Variants in SSH1 observed in about 807,000 individuals in gnomAD.
SSH1 encodes the protein slingshot protein phosphatase 1, also known as protein phosphatase Slingshot homolog 1.
In SSH1, 43 loss-of-function variants were observed where a neutral mutation model predicts 79.7. That is an observed-to-expected ratio of 0.54 (90% CI 0.42 to 0.70). The LOEUF (loss-of-function observed/expected upper bound fraction) is 0.70, where lower values mean the gene tolerates loss of function less well. SSH1 is among the 30% of genes least tolerant of loss of function. The pLI is 0.00. For missense variants in SSH1, 1,206 were observed against 1,358.8 expected (o/e 0.89, Z 1.77); for synonymous variants, 599 against 538.3 (o/e 1.11, Z -1.56).
rs763489561 is a variant in SSH1, at chr12:108,792,814, G to A, written c.1365C>T (p.Asn455=). The change falls in exon 14 of 15, where the codon AAC becomes AAT. Residue 455 remains asparagine (N), a synonymous_variant. Coordinates refer to ENST00000326495, the MANE Select transcript of SSH1 (RefSeq NM_018984.4). ...GILDASKQRH[N]KLWRQQTDSS... ...TGTCTGTCTGCTGACGCCACAGCTT[G>A]TTGTGCCGCTGTTTGCTGCGGGGAG... 4.3e-6 allele frequency: 7 copies of A among 1,613,702 alleles called. No homozygotes were observed. The South Asian group carries it at 7.7e-5, about 18-fold the overall frequency.
At chr12:108,798,853 C>T (rs1565977180) in intron 13 of SSH1, 147 bp downstream of exon 13, 1 of 838,922 alleles carries the variant, frequency 1.2e-6, no homozygotes, top group East Asian at 2.6e-5. Flanking sequence ...CTCAAACTGG[C>T]TCCCCCTGAG....
At chr12:108,834,138 T>C (rs2375016) in intron 2 of SSH1, 52,648 of 152,160 alleles carry the variant, frequency 0.35, 9,230 homozygotes, top group South Asian at 0.45. Flanking sequence ...GAAAACAGTA[T>C]TTCAGAATAA....
intron 3 of SSH1, among the ~76,000 whole-genome samples, chr12:108,820,534 T>TA (rs2038078144): frequency 6.6e-6 from 1 of 152,208 alleles, no homozygotes; most frequent in African/African-American, 2.4e-5. Context: ...TCCACACAGA[T>TA]AAACTTCTTT....
rs765862959 is a variant in SSH1 at position 108,788,372 on chromosome 12, G to A, written c.2766C>T (p.Thr922=). 2 of 1,612,722 alleles carry A rather than the reference G, an allele frequency of 1.2e-6. No homozygotes were observed. Among genetic ancestry groups the A allele is most frequent in the African/African-American group, 1.3e-5 (1 of 74,904 alleles). The change falls in exon 15 of 15, where the codon ACC becomes ACT. Residue 922 remains threonine, a synonymous_variant. Transcript: ENST00000326495. The part of the protein sequence containing the change: ...SKDFLKTICY[T]PTSSSMSSNL... ...TGGAGCTCATGGAAGAGGAGGTGGG[G>A]GTGTAGCAGATGGTCTTCAGAAAGT...
At chr12:108,811,097 C>T (rs1183910108) in intron 6 of SSH1, among the ~76,000 whole-genome samples, 163 bp downstream of exon 6, 1 of 152,212 alleles carries the variant, frequency 6.6e-6, no homozygotes, top group Non-Finnish European at 1.5e-5. Flanking sequence ...AACATACCCT[C>T]CCTCGTGCCC....
rs764404677 is a variant in SSH1, at chr12:108,789,251, G to T, written c.1894-7C>A. On this transcript the variant is annotated splice_region_variant and splice_polypyrimidine_tract_variant and intron_variant, in intron 14 of 14. Coordinates refer to ENST00000326495, the MANE Select transcript of SSH1 (RefSeq NM_018984.4). ...TCCCAAATATAGCATCATCCTGCAA[G>T]GAAGGGGACAAGAGCATGGTGAGAC... 1.9e-6 allele frequency: 3 copies of T among 1,587,882 alleles called. No homozygotes were observed. The highest frequency in any genetic ancestry group is 2.3e-5 in the South Asian group (2 of 87,556).
chr12:108,787,985 G>A lies in SSH1; in HGVS notation c.*3C>T, dbSNP rs573450067. 61 of 1,614,010 alleles carry A rather than the reference G, an allele frequency of 3.8e-5. No individual in the cohort carries two copies. The highest frequency in any genetic ancestry group is 1.6e-4 in the Middle Eastern group (1 of 6,084). On this transcript the variant is annotated 3_prime_UTR_variant, in exon 15 of 15. Coordinates refer to ENST00000326495, the MANE Select transcript of SSH1 (RefSeq NM_018984.4). Reference sequence around the variant, plus strand: ...CGCCCAGCCTGACGCAGCAAAAGGCGGGTCAGCTTTTGCTCATCCACGAAG... The same window carrying A: ...CGCCCAGCCTGACGCAGCAAAAGGCAGGTCAGCTTTTGCTCATCCACGAAG...
rs768765484 is a variant in SSH1, at chr12:108,818,257, T to C, written c.271A>G (p.Ile91Val). The change falls in exon 4 of 15, where the codon ATC (isoleucine) becomes GTC (valine). Residue 91 changes from isoleucine to valine, a missense_variant. Ile to Val is a conservative substitution (Grantham distance 29, BLOSUM62 3). This residue lies in a region of SSH1 where 115 missense variants were observed against 173.9 expected (regional missense o/e 0.66). Transcript: ENST00000326495. ...MINLLRCEDR[I>V]KLAVRLESAW... ...TTCTCACTGCTTCTTACCAGCTTGA[T>C]TCTGTCTTCGCAACGCAGAAGGTTG... is the stretch of plus-strand genomic sequence containing the variant. 3.7e-6 allele frequency: 6 copies of C among 1,613,834 alleles called. No individual in the cohort carries two copies. In the East Asian group the frequency reaches 6.7e-5, roughly 18 times the overall value.
At chr12:108,791,898 T>G in intron 14 of SSH1, 3 of 1,260,514 alleles carry the variant, frequency 2.4e-6, no homozygotes, top group Non-Finnish European at 3.0e-6. Flanking sequence ...TGAAAAAGAA[T>G]AGTCATATAT....
At chr12:108,824,762 GT>G (rs1166451557) in intron 2 of SSH1, among the ~76,000 whole-genome samples, 1 of 152,124 alleles carries the variant, frequency 6.6e-6, no homozygotes, top group Non-Finnish European at 1.5e-5. Context: ...TACATCAAAA[GT>G]TTTTATTTTT....
Position 108,788,140 on chromosome 12 carries a change from TG to T in SSH1, c.2997del (p.Thr1000ProfsTer10), listed in dbSNP as rs2036342425. On this transcript the variant is annotated frameshift_variant, in exon 15 of 15. Coordinates refer to ENST00000326495, the MANE Select transcript of SSH1 (RefSeq NM_018984.4). LOFTEE classifies it low-confidence loss of function (END_TRUNC). ...TEDLSSEADP[S>X]TVADSQDTTL... ...GTGGTGTCCTGGGAGTCAGCGACGG[TG>T]GACGGGTCAGCCTCACTGGACAGGT... The T allele has an allele frequency of 6.2e-7, 1 of 1,613,852 alleles. No homozygotes were observed. Among genetic ancestry groups the T allele is most frequent in the Non-Finnish European group, 8.5e-7 (1 of 1,180,010 alleles).
rs117900986 is a variant in SSH1, at chr12:108,792,317, T to C, written c.1862A>G (p.Asn621Ser). 9.1e-4 allele frequency: 1,462 copies of C among 1,614,052 alleles called. 23 individuals carry two copies. The East Asian group carries it at 0.03, about 33-fold the overall frequency. Reference protein sequence around the residue: ...NLLNSENLNNNSKRSCPNGME... With the variant: ...NLLNSENLNNSSKRSCPNGME... ...GCCGTTGGGACAGCTCCTCTTGCTG[T>C]TGTTGTTTAGGTTCTCCGAGTTGAG... Residue 621 changes from asparagine (N) to serine (S), a missense_variant, in exon 14 of 15, where the codon AAC becomes AGC. Asn to Ser is a conservative substitution (Grantham distance 46). Transcript: ENST00000326495.
rs774585156 is a variant in SSH1, at chr12:108,806,301, C to T, written c.825G>A (p.Glu275=). The T allele has an allele frequency of 2.5e-6, 4 of 1,613,924 alleles. No individual in the cohort carries two copies. The highest frequency in any genetic ancestry group is 2.2e-5 in the South Asian group (2 of 91,088). The stretch of plus-strand genomic sequence containing the variant: ...GCAATGAAGGGAGGAGTTGTCTTAC[C>T]TCTTTGGAAGTCACATTTTCTAGAT... The part of the protein sequence containing the change: ...SQDLENVTSK[E]IRNELEKQMN... Residue 275 remains glutamate, a splice_region_variant and synonymous_variant, in exon 9 of 15, where the codon GAG becomes GAA. Transcript: ENST00000326495.
chr12:108,827,383 A>T, intron 2 of SSH1: 1 of 1,519,576 alleles, frequency 6.6e-7, no homozygotes, highest in South Asian at 1.3e-5. Context: ...GCTCCCTACA[A>T]CTGCCCTCCG....
chr12:108,820,264 C>G (rs1243725796), intron 3 of SSH1, among the ~76,000 whole-genome samples: 1 of 152,124 alleles, frequency 6.6e-6, no homozygotes, highest in Non-Finnish European at 1.5e-5. Flanking sequence ...TTATACAATT[C>G]CACAGTGTAT....
rs1413434278 is a variant in SSH1 at position 108,786,982 on chromosome 12, T to C, written c.*1006A>G. 1 of 152,204 alleles carries C rather than the reference T, an allele frequency of 6.6e-6. No individual in the cohort carries two copies. The highest frequency in any genetic ancestry group is 1.5e-5 in the Non-Finnish European group (1 of 68,060). 9.4% of individuals were successfully genotyped at this position (152,204 alleles called of 1,614,324 possible). A position where few individuals can be genotyped will look rare whatever the true frequency, so the allele number is the denominator to read the frequency against. On this transcript the variant is annotated 3_prime_UTR_variant, in exon 15 of 15. Transcript: ENST00000326495. ...ATCTCACTGCAGGAAGGGGCAACTG[T>C]AGACATCCGGGAAGCATCCCGACAG...
In SSH1 at chr12:108,811,214, T is replaced by G. The variant is rs749497731; in HGVS notation, c.470+46A>C. ...TGCCTGAACCAGCTCGTGTTTTCAA[T>G]GCCTACTACATACAGTGAGAGAATC... On this transcript the variant is annotated intron_variant, in intron 6 of 14. Coordinates refer to ENST00000326495, the MANE Select transcript of SSH1 (RefSeq NM_018984.4). 8 of 1,574,920 alleles carry G rather than the reference T, an allele frequency of 5.1e-6. No individual in the cohort carries two copies. In the Admixed American group the frequency reaches 1.3e-4, roughly 26 times the overall value.
intron 2 of SSH1, among the ~76,000 whole-genome samples, chr12:108,827,002 A>AT (rs1477219173): frequency 2.3e-5 from 3 of 132,594 alleles, no homozygotes; most frequent in Non-Finnish European, 4.9e-5. Context: ...TTGATGAGGG[A>AT]TAAAAAAAAA....
At chr12:108,812,183 TG>T (rs2037644450) in intron 5 of SSH1, among the ~76,000 whole-genome samples, 1 of 152,248 alleles carries the variant, frequency 6.6e-6, no homozygotes, top group Admixed American at 6.5e-5. Context: ...CTCAGGCTTT[TG>T]GGTTGGGCAA....
Sources: gnomAD v4.1 joint callset for allele counts (sites outside exome capture counted in the v4.1 genomes callset) on GRCh38, gnomAD v4.1.1 for gene constraint, gnomAD v4.1.1 regional missense constraint, MANE v1.5 for transcripts, NCBI Gene and HGNC (gene_info 2026-07-23, HGNC 2026-07-21) for gene names.